DCP1B: variants seen among roughly 807,000 people sequenced by gnomAD.
DCP1B encodes the protein mRNA-decapping enzyme 1B.
DCP1B carries 47 observed loss-of-function variants against 60.5 expected under a neutral mutation model. The ratio of observed to expected loss-of-function variants is 0.78; its 90% CI spans 0.61 to 0.99. DCP1B has a LOEUF of 0.99. Among genes scored for constraint, DCP1B ranks in the 50% least tolerant of loss-of-function variants. The pLI is 0.00. For synonymous variants in DCP1B, 267 were observed against 280.3 expected (o/e 0.95, Z 0.47); for missense variants, 725 against 756.8 (o/e 0.96, Z 0.49).
chr12:1,999,858 T>C (rs542891194), intron 1 of DCP1B, among the ~76,000 whole-genome samples: 8 of 152,364 alleles, frequency 5.3e-5, no homozygotes, highest in African/African-American at 1.9e-4. Context: ...CACCACAACA[T>C]ACTGTGAAAC....
rs2030756044 is a variant in DCP1B, at chr12:1,953,236, T to A, written c.704A>T (p.Gln235Leu). 6.2e-7 allele frequency: 1 copy of A among 1,605,070 alleles called. No individual in the cohort carries two copies. The highest frequency in any genetic ancestry group is 1.1e-5 in the South Asian group (1 of 91,078). Residue 235 changes from glutamine (Q) to leucine (L), a missense_variant, in exon 7 of 9, where the codon CAG becomes CTG. By Grantham distance (113) the Gln-to-Leu change is moderately radical. Transcript: ENST00000280665. ...AGTTTCCTGACATGTAGCTTTGTCCTGCTTCCCAAACAGAGCTGTCAAGGA... is the reference window on the plus strand; with the variant it reads ...AGTTTCCTGACATGTAGCTTTGTCCAGCTTCCCAAACAGAGCTGTCAAGGA... Reference protein sequence around the residue: ...HLSLTALFGKQDKATCQETVE... With the variant: ...HLSLTALFGKLDKATCQETVE...
At chr12:1,986,022 C>T (rs763145660) in intron 3 of DCP1B, among the ~76,000 whole-genome samples, 12 of 152,110 alleles carry the variant, frequency 7.9e-5, no homozygotes, top group Non-Finnish European at 1.8e-4. Flanking sequence ...ACCGTGTTAG[C>T]CAGGATGGTC....
chr12:1,996,791 C>G (rs2041031684), intron 2 of DCP1B, among the ~76,000 whole-genome samples: 1 of 152,132 alleles, frequency 6.6e-6, no homozygotes, highest in Non-Finnish European at 1.5e-5. Context: ...CACAGCAGCC[C>G]ATTCATTGCT....
At chr12:1,996,644 AAAAAAAAAAAACAAC>A (rs2040926877) in intron 2 of DCP1B, among the ~76,000 whole-genome samples, 3 of 89,390 alleles carry the variant, frequency 3.4e-5, no homozygotes, top group Non-Finnish European at 6.5e-5. Flanking sequence ...AAAAAAAAAA[AAAAAAAAAAAACAAC>A]AAACTCTTCT....
Position 1,971,192 on chromosome 12 carries a change from T to C in DCP1B, c.320-3282A>G. ...AGCTCAACTCAACTATTTCTACATC[T>C]CTCCTGGAGGTAAGAAACCCTAAAG... On this transcript the variant is annotated intron_variant, in intron 3 of 8. Coordinates refer to ENST00000280665, the MANE Select transcript of DCP1B (RefSeq NM_152640.5). The surrounding 1 kb of genome is among the most constrained non-coding windows in gnomAD (Gnocchi z 4.2). 1 of 1,288,048 alleles carries C rather than the reference T, an allele frequency of 7.8e-7. No homozygotes were observed. The highest frequency in any genetic ancestry group is 1.0e-6 in the Non-Finnish European group (1 of 987,602). 79.8% of individuals were successfully genotyped at this position (1,288,048 alleles called of 1,614,324 possible).
rs1033863783 is a variant in DCP1B at position 1,971,865 on chromosome 12, T to A, written c.320-3955A>T. On this transcript the variant is annotated intron_variant, in intron 3 of 8. Transcript: ENST00000280665. This position sits in a 1 kb window ranked among gnomAD's most constrained non-coding sequence, Gnocchi z 4.2. ...AATTTGTTTTATATTTTTACCCAAA[T>A]ACCATACAACTCCAAATCATGAATG... Among the ~76,000 whole-genome samples, 1 of 152,336 alleles carries A rather than the reference T, an allele frequency of 6.6e-6. No individual in the cohort carries two copies. Among genetic ancestry groups the A allele is most frequent in the South Asian group, 2.1e-4 (1 of 4,830 alleles).
downstream of DCP1B, among the ~76,000 whole-genome samples, chr12:1,945,626 C>A (rs1400516337): frequency 6.6e-6 from 1 of 152,176 alleles, no homozygotes; most frequent in East Asian, 1.9e-4. Context: ...AGACTTGGAA[C>A]CAACCCAAAT....
chr12:1,959,494 C>T (rs1050829703), intron 5 of DCP1B, among the ~76,000 whole-genome samples: 2 of 152,172 alleles, frequency 1.3e-5, no homozygotes, highest in African/African-American at 4.8e-5. Context: ...AAATGCTCGA[C>T]ATCGCTAATC....
Position 2,002,547 on chromosome 12 carries a change from A to G in DCP1B, c.150+1735T>C, listed in dbSNP as rs75222792. ...ATGAGGCTTTAGGTATCTAATAAACATCTGTAACTATCTTAAAAAGGTATC... is the reference window on the plus strand; with the variant it reads ...ATGAGGCTTTAGGTATCTAATAAACGTCTGTAACTATCTTAAAAAGGTATC... On this transcript the variant is annotated intron_variant, in intron 1 of 8. Coordinates refer to ENST00000280665, the MANE Select transcript of DCP1B (RefSeq NM_152640.5). Among the ~76,000 whole-genome samples, 1,445 of 152,348 alleles carry G rather than the reference A, an allele frequency of 9.5e-3. 16 individuals are homozygous for G. Among genetic ancestry groups the G allele is most frequent in the African/African-American group, 0.033 (1,362 of 41,570 alleles).
Position 1,953,082 on chromosome 12 carries a change from A to G in DCP1B, c.858T>C (p.Ile286=). The change falls in exon 7 of 9, where the codon ATT becomes ATC. Residue 286 remains isoleucine, a synonymous_variant. Transcript: ENST00000280665. ...YEEPRRHSPP[I]EKQLCPAIQK... is the part of the protein sequence containing the mutation. The stretch of plus-strand genomic sequence containing the variant: ...GAATGGCTGGACAGAGCTGCTTCTC[A>G]ATGGGGGGTGAGTGTCTTCTGGGTT... 6.2e-7 allele frequency: 1 copy of G among 1,613,934 alleles called. No homozygotes were observed. Among genetic ancestry groups the G allele is most frequent in the Non-Finnish European group, 8.5e-7 (1 of 1,179,968 alleles).
At chr12:1,960,618 C>T (rs112477383) in intron 5 of DCP1B, among the ~76,000 whole-genome samples, 4,150 of 152,146 alleles carry the variant, frequency 0.027, 95 homozygotes, top group Middle Eastern at 0.054. Flanking sequence ...AATATACATG[C>T]ATATCAAAAT....
At chr12:1,963,173 A>G (rs150677336) in intron 5 of DCP1B, among the ~76,000 whole-genome samples, 1 of 152,380 alleles carries the variant, frequency 6.6e-6, no homozygotes, top group African/African-American at 2.4e-5. Flanking sequence ...CTAACTTTTA[A>G]TGATGATAAT....
At chr12:1,988,807 G>A (rs375060688) in intron 3 of DCP1B, among the ~76,000 whole-genome samples, 16 of 152,222 alleles carry the variant, frequency 1.1e-4, no homozygotes, top group South Asian at 6.2e-4. Flanking sequence ...TACTATTTCC[G>A]TTATTTATAG....
At chr12:1,942,307 T>C (rs1482882683), downstream of DCP1B, among the ~76,000 whole-genome samples, 2 of 152,158 alleles carry the variant, frequency 1.3e-5, no homozygotes, top group Non-Finnish European at 2.9e-5. Flanking sequence ...CCCAGAAACA[T>C]ACAAAGAGAC....
chr12:1,955,111 C>T (rs1242869557), intron 6 of DCP1B, among the ~76,000 whole-genome samples: 2 of 152,180 alleles, frequency 1.3e-5, no homozygotes, highest in African/African-American at 4.8e-5. Context: ...CTCGCCTCAG[C>T]CTCTCAAAGT....
chr12:1,947,475 T>C (rs1281223381), intron 8 of DCP1B, among the ~76,000 whole-genome samples: 5 of 152,074 alleles, frequency 3.3e-5, no homozygotes, highest in Non-Finnish European at 7.4e-5. Context: ...ATATGAGGTG[T>C]GGTACACGGG....
intron 2 of DCP1B, among the ~76,000 whole-genome samples, chr12:1,997,388 C>T (rs577819455): frequency 3.9e-5 from 6 of 152,258 alleles, no homozygotes; most frequent in African/African-American, 2.4e-5. Context: ...GGCGTGGTGG[C>T]GCATGCCTGT....
intron 5 of DCP1B, among the ~76,000 whole-genome samples, chr12:1,965,295 T>C (rs906283173): frequency 5.9e-5 from 9 of 152,200 alleles, no homozygotes; most frequent in African/African-American, 2.2e-4. Context: ...CTACCAGTTG[T>C]GTATATGAAG....
chr12:1,948,952 C>T lies in DCP1B; in HGVS notation c.1773+134G>A, dbSNP rs2030545985. ...AACTGAGCACAGAAGCCGCTGGGGT[C>T]AGGATGAGTTGTTACACACACCTGT... On this transcript the variant is annotated intron_variant, in intron 8 of 8. Coordinates refer to ENST00000280665, the MANE Select transcript of DCP1B (RefSeq NM_152640.5). The surrounding 1 kb of genome is among the most constrained non-coding windows in gnomAD (Gnocchi z 4.8). 8.4e-7 allele frequency: 1 copy of T among 1,184,574 alleles called. No homozygotes were observed. The highest frequency in any genetic ancestry group is 2.5e-5 in the Admixed American group (1 of 39,810). 73.4% of individuals were successfully genotyped at this position (1,184,574 alleles called of 1,614,324 possible). A position where few individuals can be genotyped will look rare whatever the true frequency, so the allele number is the denominator to read the frequency against.
Sources: allele counts gnomAD v4.1 joint callset (sites outside exome capture counted in the v4.1 genomes callset), GRCh38; gene constraint gnomAD v4.1.1; non-coding constraint Gnocchi (gnomAD v3.1); transcripts MANE v1.5; gene names NCBI Gene and HGNC (gene_info 2026-07-23, HGNC 2026-07-21).